PDE8A: variants seen among roughly 807,000 people sequenced by gnomAD.
PDE8A encodes phosphodiesterase 8A.
A neutral mutation model predicts 105.0 loss-of-function variants in PDE8A; 59 were observed. The observed-to-expected ratio is 0.56, with a 90% confidence interval of 0.46 to 0.70. The LOEUF (loss-of-function observed/expected upper bound fraction) is 0.70. PDE8A is among the 30% of genes least tolerant of loss of function. The pLI is 0.00. For synonymous variants in PDE8A, 355 were observed against 371.9 expected (o/e 0.95, Z 0.52); for missense variants, 1,014 against 1,045.9 (o/e 0.97, Z 0.42).
In PDE8A at chr15:85,054,010, G is replaced by A. The variant is rs139614993; in HGVS notation, c.187-10360G>A. Among the ~76,000 whole-genome samples the A allele has an allele frequency of 5.5e-4, 52 of 94,124 alleles. 1 individual carries two copies. Among genetic ancestry groups the A allele is most frequent in the African/African-American group, 1.4e-3 (41 of 29,224 alleles). 61.7% of individuals were successfully genotyped at this position (94,124 alleles called of 152,430 possible). A position where few individuals can be genotyped will look rare whatever the true frequency, so the allele number is the denominator to read the frequency against. ...ATGTCCCATCAATACCTAGTTTATC[G>A]AGAGTTTTTAGCATGAAGGGCTGTT... On this transcript the variant is annotated intron_variant, in intron 1 of 21. Coordinates refer to ENST00000394553, the MANE Select transcript of PDE8A (RefSeq NM_002605.3).
rs1175528181 is a variant in PDE8A, at chr15:85,091,027, C to T, written c.715-17C>T. ...ACTTTTAATTCACTTTATGTTTTTT[C>T]TTTTGTCTCCCTTCAGTATGCAAAT... On this transcript the variant is annotated splice_polypyrimidine_tract_variant and intron_variant, in intron 7 of 21. Transcript: ENST00000394553. The T allele has an allele frequency of 3.8e-6, 6 of 1,588,894 alleles. No individual in the cohort carries two copies. The highest frequency in any genetic ancestry group is 2.7e-5 in the African/African-American group (2 of 73,350).
chr15:85,109,671 T>C (rs996241743), intron 12 of PDE8A, among the ~76,000 whole-genome samples: 2 of 152,248 alleles, frequency 1.3e-5, no homozygotes, highest in Admixed American at 1.3e-4. Flanking sequence ...CTGCTAGCTG[T>C]ATACATTCTT....
intron 1 of PDE8A, among the ~76,000 whole-genome samples, chr15:85,010,516 G>A (rs1331575213): frequency 6.6e-6 from 1 of 152,198 alleles, no homozygotes; most frequent in Non-Finnish European, 1.5e-5. Context: ...TGGGCACCAT[G>A]TCCTGAACCA....
chr15:85,059,075 T>G (rs1204800370), intron 1 of PDE8A, among the ~76,000 whole-genome samples: 1 of 152,216 alleles, frequency 6.6e-6, no homozygotes, highest in Non-Finnish European at 1.5e-5. Flanking sequence ...TTTAGTATGT[T>G]GCGTTTTTGT....
At chr15:85,003,724 C>G (rs2080102055) in intron 1 of PDE8A, among the ~76,000 whole-genome samples, 1 of 152,194 alleles carries the variant, frequency 6.6e-6, no homozygotes, top group Non-Finnish European at 1.5e-5. Flanking sequence ...AGGAAAATTT[C>G]AACAAGGCTT....
At chr15:85,062,876 C>G (rs909906304) in intron 1 of PDE8A, 2 of 152,250 alleles carry the variant, frequency 1.3e-5, no homozygotes, top group East Asian at 3.8e-4. Flanking sequence ...ACTCTACTGT[C>G]TTCTCTAAAT....
chr15:84,987,449 C>G (rs2079820635), intron 1 of PDE8A, among the ~76,000 whole-genome samples: 1 of 137,696 alleles, frequency 7.3e-6, no homozygotes, highest in Non-Finnish European at 1.5e-5. Flanking sequence ...GATAGCTTAC[C>G]CATTTGGATT....
chr15:85,135,702 C>G (rs1171273562), intron 20 of PDE8A, among the ~76,000 whole-genome samples: 2 of 152,310 alleles, frequency 1.3e-5, no homozygotes, highest in East Asian at 3.9e-4. Flanking sequence ...TCACCCTTTT[C>G]TCCAGCACCA....
At chr15:85,130,536 ATACTC>A (rs1462253465) in intron 20 of PDE8A, among the ~76,000 whole-genome samples, 2 of 152,102 alleles carry the variant, frequency 1.3e-5, no homozygotes, top group Non-Finnish European at 2.9e-5. Context: ...AAAAAAATGT[ATACTC>A]TACTGTTGTT....
chr15:85,061,080 G>T (rs1165598697), intron 1 of PDE8A, among the ~76,000 whole-genome samples: 1 of 151,886 alleles, frequency 6.6e-6, no homozygotes, highest in Non-Finnish European at 1.5e-5. Flanking sequence ...CCTCACTTTT[G>T]AATGAAGTTT....
At chr15:85,133,203 G>A (rs999073213) in intron 20 of PDE8A, among the ~76,000 whole-genome samples, 1 of 152,118 alleles carries the variant, frequency 6.6e-6, no homozygotes, top group Non-Finnish European at 1.5e-5. Flanking sequence ...GAAGTGTCTT[G>A]TCTGAGGTTA....
rs754602721 is a variant in PDE8A, at chr15:85,117,662, C to T, written c.1557C>T (p.Leu519=). 6.2e-7 allele frequency: 1 copy of T among 1,614,086 alleles called. No homozygotes were observed. Among genetic ancestry groups the T allele is most frequent in the Non-Finnish European group, 8.5e-7 (1 of 1,179,956 alleles). Residue 519 remains leucine (L), a synonymous_variant, in exon 17 of 22, where the codon CTC becomes CTT. Transcript: ENST00000394553. ...THNRPLIYLG[L]KMFARFGICE... ...ATAGGCCTTTGATTTATCTTGGTCT[C>T]AAAATGTTTGCTCGCTTTGGAATCT... is the stretch of plus-strand genomic sequence containing the variant.
intron 1 of PDE8A, among the ~76,000 whole-genome samples, chr15:84,991,612 A>G (rs745597507): frequency 2.0e-4 from 31 of 152,204 alleles, no homozygotes; most frequent in Non-Finnish European, 3.8e-4. Context: ...ACTCTTATAT[A>G]TCTTTACTGG....
intron 1 of PDE8A, among the ~76,000 whole-genome samples, chr15:85,025,436 G>A (rs1403131221): frequency 3.3e-5 from 5 of 152,088 alleles, no homozygotes; most frequent in African/African-American, 1.2e-4. Context: ...GGGTGGGTAG[G>A]GGGTGTGGGG....
chr15:85,133,927 G>T (rs1209214770), intron 20 of PDE8A, among the ~76,000 whole-genome samples: 2 of 152,152 alleles, frequency 1.3e-5, no homozygotes, highest in Non-Finnish European at 2.9e-5. Context: ...CTCTGTGCCA[G>T]GTGTTGTACA....
chr15:85,133,044 A>G (rs1471972895), intron 20 of PDE8A, among the ~76,000 whole-genome samples: 1 of 152,190 alleles, frequency 6.6e-6, no homozygotes, highest in Non-Finnish European at 1.5e-5. Flanking sequence ...CTAGTCTTTG[A>G]AAACTGTCTC....
At chr15:85,014,209 T>C (rs2080286762) in intron 1 of PDE8A, among the ~76,000 whole-genome samples, 1 of 152,064 alleles carries the variant, frequency 6.6e-6, no homozygotes, top group African/African-American at 2.4e-5. Flanking sequence ...TGCAGTGGCA[T>C]GATAATAGCT....
intron 3 of PDE8A, among the ~76,000 whole-genome samples, chr15:85,071,216 G>A (rs1435465699): frequency 1.3e-5 from 2 of 152,172 alleles, no homozygotes; most frequent in African/African-American, 4.8e-5. Context: ...CATAAAGGAA[G>A]GCAGTGGAAA....
At chr15:85,112,806 G>C (rs2082039225) in intron 12 of PDE8A, among the ~76,000 whole-genome samples, 1 of 152,142 alleles carries the variant, frequency 6.6e-6, no homozygotes, top group Non-Finnish European at 1.5e-5. Flanking sequence ...ATCTTGACAG[G>C]AACAACAGAA....
Sources: gnomAD v4.1 joint callset for allele counts (sites outside exome capture counted in the v4.1 genomes callset) on GRCh38, gnomAD v4.1.1 for gene constraint, MANE v1.5 for transcripts, NCBI Gene and HGNC (gene_info 2026-07-23, HGNC 2026-07-21) for gene names.